The following SLC10A7 variants were observed in gnomAD, a reference collection of about 807,000 sequenced individuals.
SLC10A7 encodes the protein solute carrier family 10 member 7, also known as sodium/bile acid cotransporter 7.
In SLC10A7, 29 loss-of-function variants were observed where a neutral mutation model predicts 43.2. The ratio of observed to expected loss-of-function variants is 0.67; its 90% confidence interval spans 0.50 to 0.92. The LOEUF is 0.92. Among genes scored for constraint, SLC10A7 ranks in the 40% least tolerant of loss-of-function variants. SLC10A7 has a pLI of 0.00. For synonymous variants in SLC10A7, 152 were observed against 144.8 expected (o/e 1.05, Z -0.35); for missense variants, 295 against 403.2 (o/e 0.73, Z 2.30).
At chr4:146,326,328 C>G (rs1301197516) in intron 5 of SLC10A7, among the ~76,000 whole-genome samples, 1 of 152,170 alleles carries the variant, frequency 6.6e-6, no homozygotes, top group Non-Finnish European at 1.5e-5. Context: ...CCAAGGCTTT[C>G]AACTCTAACT....
chr4:146,434,853 C>T (rs1051781679), intron 5 of SLC10A7, among the ~76,000 whole-genome samples: 5 of 152,282 alleles, frequency 3.3e-5, no homozygotes, highest in South Asian at 4.1e-4. Context: ...TGAGCCACCA[C>T]GCCCACCTAC....
intron 5 of SLC10A7, among the ~76,000 whole-genome samples, chr4:146,431,550 T>A (rs1384318208): frequency 1.3e-5 from 2 of 151,910 alleles, no homozygotes; most frequent in Non-Finnish European, 2.9e-5. Context: ...AAGGAAAAAA[T>A]GGACAAATGT....
chr4:146,424,512 T>C (rs951077342), intron 5 of SLC10A7, among the ~76,000 whole-genome samples: 1 of 151,962 alleles, frequency 6.6e-6, no homozygotes, highest in Non-Finnish European at 1.5e-5. Context: ...ATGCAAAAAT[T>C]AGCTGGGCGT....
At chr4:146,400,438 C>T (rs1739149927) in intron 5 of SLC10A7, among the ~76,000 whole-genome samples, 1 of 152,082 alleles carries the variant, frequency 6.6e-6, no homozygotes, top group Non-Finnish European at 1.5e-5. Flanking sequence ...TATAAGAGCA[C>T]GATCCAGTAG....
At chr4:146,488,016 G>T (rs1735066916) in intron 4 of SLC10A7, among the ~76,000 whole-genome samples, 1 of 151,904 alleles carries the variant, frequency 6.6e-6, no homozygotes, top group African/African-American at 2.4e-5. Context: ...GTGGAACTCT[G>T]TCTCTACGAA....
At chr4:146,366,505 ACTT>A (rs1201583143) in intron 5 of SLC10A7, among the ~76,000 whole-genome samples, 3 of 152,104 alleles carry the variant, frequency 2.0e-5, no homozygotes, top group African/African-American at 7.2e-5. Context: ...TGTCATGTCT[ACTT>A]CTTGGGGTTG....
intron 6 of SLC10A7, among the ~76,000 whole-genome samples, chr4:146,308,081 T>C (rs1051027239): frequency 1.3e-5 from 2 of 152,168 alleles, no homozygotes; most frequent in African/African-American, 4.8e-5. Flanking sequence ...TAAAATGCTA[T>C]GATCTCTGAT....
At chr4:146,498,360 C>A (rs1479928206) in intron 4 of SLC10A7, among the ~76,000 whole-genome samples, 2 of 152,158 alleles carry the variant, frequency 1.3e-5, no homozygotes, top group East Asian at 3.9e-4. Flanking sequence ...TCAGGTGATC[C>A]CCCAGCCTCG....
At chr4:146,442,179 G>C in intron 5 of SLC10A7, 4 of 970,430 alleles carry the variant, frequency 4.1e-6, no homozygotes, top group Non-Finnish European at 3.7e-6. Flanking sequence ...GATTAAAAAT[G>C]CTAAAACAAC....
At chr4:146,519,362 TG>T (rs1738404971) in intron 1 of SLC10A7, among the ~76,000 whole-genome samples, 1 of 147,114 alleles carries the variant, frequency 6.8e-6, no homozygotes, top group African/African-American at 2.5e-5. Flanking sequence ...TAGAGAGAGA[TG>T]ACCTACTATG....
intron 10 of SLC10A7, among the ~76,000 whole-genome samples, chr4:146,279,462 A>C (rs1729410079): frequency 6.6e-6 from 1 of 152,174 alleles, no homozygotes; most frequent in Non-Finnish European, 1.5e-5. Flanking sequence ...ACTAGGATAC[A>C]AGCTGTTCTT....
chr4:146,313,189 C>T (rs1051505531), intron 6 of SLC10A7, among the ~76,000 whole-genome samples: 1 of 152,168 alleles, frequency 6.6e-6, no homozygotes, highest in Non-Finnish European at 1.5e-5. Flanking sequence ...CCCCCAGTAG[C>T]TGGTGCTGAA....
At chr4:146,430,142 G>A (rs1729665625) in intron 5 of SLC10A7, among the ~76,000 whole-genome samples, 1 of 151,952 alleles carries the variant, frequency 6.6e-6, no homozygotes, top group Non-Finnish European at 1.5e-5. Context: ...TAGTTAAACT[G>A]GATTTAACAA....
chr4:146,304,500 A>G (rs948096077), intron 7 of SLC10A7, among the ~76,000 whole-genome samples: 1 of 151,946 alleles, frequency 6.6e-6, no homozygotes, highest in Non-Finnish European at 1.5e-5. Flanking sequence ...CCTTCATTTC[A>G]TTATGTACCC....
intron 5 of SLC10A7, chr4:146,442,138 G>T: frequency 1.0e-6 from 1 of 968,568 alleles, no homozygotes; most frequent in Non-Finnish European, 1.2e-6. Context: ...CACAAATCAA[G>T]CCTCTGTTAC....
chr4:146,440,017 G>A (rs1020348382), intron 5 of SLC10A7, among the ~76,000 whole-genome samples: 1 of 152,166 alleles, frequency 6.6e-6, no homozygotes, highest in African/African-American at 2.4e-5. Flanking sequence ...TAACTGAGAT[G>A]AATCTCTTTC....
At chr4:146,386,675 T>G (rs1227758499) in intron 5 of SLC10A7, among the ~76,000 whole-genome samples, 1 of 152,262 alleles carries the variant, frequency 6.6e-6, no homozygotes, top group Non-Finnish European at 1.5e-5. Flanking sequence ...TGGAATGTAC[T>G]GTTATCGGCC....
intron 4 of SLC10A7, among the ~76,000 whole-genome samples, chr4:146,463,345 G>A (rs141570664): frequency 6.6e-6 from 1 of 152,094 alleles, no homozygotes; most frequent in South Asian, 2.1e-4. Flanking sequence ...AGAGTTCAGG[G>A]AAAAGTTAAC....
intron 7 of SLC10A7, among the ~76,000 whole-genome samples, chr4:146,301,420 G>A (rs539339682): frequency 2.0e-5 from 3 of 152,292 alleles, no homozygotes; most frequent in African/African-American, 7.2e-5. Flanking sequence ...GGGCCAGACT[G>A]TGAAGGGCTT....
Sources: gnomAD v4.1 joint callset for allele counts (sites outside exome capture counted in the v4.1 genomes callset) on GRCh38, gnomAD v4.1.1 for gene constraint, MANE v1.5 for transcripts, NCBI Gene and HGNC (gene_info 2026-07-23, HGNC 2026-07-21) for gene names.